NFIB: variants seen among roughly 807,000 people sequenced by gnomAD.
The protein encoded by NFIB is nuclear factor I B.
In NFIB, 11 loss-of-function variants were observed where a neutral mutation model predicts 61.5. The observed-to-expected ratio is 0.18, with a 90% confidence interval of 0.11 to 0.30. NFIB has a LOEUF of 0.30. NFIB is among the 10% of genes least tolerant of loss of function. The pLI is 1.00. For missense variants in NFIB, 471 were observed against 608.9 expected (o/e 0.77, Z 2.38); for synonymous variants, 260 against 216.5 (o/e 1.20, Z -1.76).
the NFIB span, among the ~76,000 whole-genome samples, chr9:14,476,543 G>C: frequency 6.6e-6 from 1 of 152,122 alleles, no homozygotes; most frequent in Admixed American, 6.6e-5. Context: ...ACACTATTCT[G>C]TATAGTCCTT....
At chr9:14,202,224 G>C (rs2049119052) in intron 2 of NFIB, among the ~76,000 whole-genome samples, 1 of 151,696 alleles carries the variant, frequency 6.6e-6, no homozygotes, top group Admixed American at 6.6e-5. Flanking sequence ...ACTAAAACAT[G>C]AGAGACTAAA....
Position 14,291,585 on chromosome 9 carries a change from A to C in NFIB, c.562+15404T>G, listed in dbSNP as rs2059105095. On this transcript the variant is annotated intron_variant, in intron 2 of 10. Transcript: ENST00000380953. ...ATTTACTAAATATTAAACTAATAAA[A>C]AAATTCTCAGAAACATCTCTTAAAT... 1.3e-5 allele frequency among the ~76,000 whole-genome samples: 2 copies of C among 152,204 alleles called. 1 individual carries two copies. The highest frequency in any genetic ancestry group is 4.1e-4 in the South Asian group (2 of 4,834).
chr9:14,353,691 G>A (rs1187380783), intron 1 of NFIB, among the ~76,000 whole-genome samples: 2 of 152,134 alleles, frequency 1.3e-5, no homozygotes, highest in Non-Finnish European at 2.9e-5. Flanking sequence ...GCGAGCTGAC[G>A]TGGAGACCCG....
At chr9:14,349,971 T>C (rs2061085744) in intron 1 of NFIB, among the ~76,000 whole-genome samples, 1 of 152,196 alleles carries the variant, frequency 6.6e-6, no homozygotes. Context: ...CCCACTCATC[T>C]GGGCTTTGGA....
At chr9:14,128,612 C>T (rs1048290649) in intron 6 of NFIB, among the ~76,000 whole-genome samples, 8 of 150,930 alleles carry the variant, frequency 5.3e-5, no homozygotes, top group Non-Finnish European at 8.8e-5. Context: ...GCAGGAGAAT[C>T]GCTTGAACCT....
chr9:14,323,881 T>C (rs2060719751), intron 1 of NFIB, among the ~76,000 whole-genome samples: 1 of 152,218 alleles, frequency 6.6e-6, no homozygotes, highest in African/African-American at 2.4e-5. Context: ...GTGTGAATAA[T>C]ATACATAGCT....
chr9:14,384,156 C>T (rs1344796842), intron 1 of NFIB, among the ~76,000 whole-genome samples: 1 of 152,126 alleles, frequency 6.6e-6, no homozygotes, highest in Non-Finnish European at 1.5e-5. Context: ...AACCAGAAGT[C>T]GCAATCCTGA....
At chr9:14,427,950 T>TG in the NFIB span, among the ~76,000 whole-genome samples, 32 of 105,272 alleles carry the variant, frequency 3.0e-4, 1 homozygote, top group African/African-American at 1.0e-3. Context: ...TTTTTTTTTT[T>TG]TTTTTTTTTT....
chr9:14,191,882 A>G (rs1438912231), intron 2 of NFIB, among the ~76,000 whole-genome samples: 2 of 152,198 alleles, frequency 1.3e-5, no homozygotes, highest in African/African-American at 4.8e-5. Context: ...TTCAAAACTG[A>G]CATTGCCTTC....
At chr9:14,332,980 G>T (rs1356598304) in intron 1 of NFIB, among the ~76,000 whole-genome samples, 1 of 152,170 alleles carries the variant, frequency 6.6e-6, no homozygotes, top group Non-Finnish European at 1.5e-5. Context: ...AGTGTGCAAA[G>T]CCTTTCTACA....
intron 2 of NFIB, among the ~76,000 whole-genome samples, chr9:14,304,773 AACTG>A (rs1343826693): frequency 6.6e-6 from 1 of 152,242 alleles, no homozygotes; most frequent in African/African-American, 2.4e-5. Flanking sequence ...GCAGCCCTCT[AACTG>A]ACCGGAGAAT....
intron 2 of NFIB, among the ~76,000 whole-genome samples, chr9:14,182,708 C>CTCTGTGTGTGTG (rs778914837): frequency 1.2e-4 from 12 of 97,000 alleles, no homozygotes; most frequent in Admixed American, 4.5e-4. Context: ...CTCTCTCTCT[C>CTCTGTGTGTGTG]TGTGTGTGTG....
At chr9:14,191,659 A>C (rs140946861) in intron 2 of NFIB, among the ~76,000 whole-genome samples, 1 of 152,266 alleles carries the variant, frequency 6.6e-6, no homozygotes, top group Non-Finnish European at 1.5e-5. Context: ...GGTTCTGCAT[A>C]ATGTCCCATC....
chr9:14,174,035 T>C (rs527410522), intron 3 of NFIB, among the ~76,000 whole-genome samples: 1 of 152,310 alleles, frequency 6.6e-6, no homozygotes, highest in South Asian at 2.1e-4. Flanking sequence ...GAGTAATTTG[T>C]GAAAGAAACA....
the NFIB span, among the ~76,000 whole-genome samples, chr9:14,510,500 A>G: frequency 3.3e-5 from 5 of 152,374 alleles, no homozygotes; most frequent in African/African-American, 1.2e-4. Flanking sequence ...GTATATTAAT[A>G]TCAAAACCAC....
chr9:14,498,785 C>CCTCCCTT, the NFIB span, among the ~76,000 whole-genome samples: 5 of 71,906 alleles, frequency 7.0e-5, no homozygotes, highest in African/African-American at 4.1e-4. Context: ...CTCCCTCCCT[C>CCTCCCTT]CCTCCCTCCC....
chr9:14,291,802 T>TAA (rs202179375), intron 2 of NFIB, among the ~76,000 whole-genome samples: 9 of 146,586 alleles, frequency 6.1e-5, no homozygotes, highest in South Asian at 2.2e-4. Context: ...GACTTTCAGT[T>TAA]AAAAAAAAAA....
At chr9:14,183,366 A>G (rs1209518387) in intron 2 of NFIB, among the ~76,000 whole-genome samples, 1 of 151,882 alleles carries the variant, frequency 6.6e-6, no homozygotes, top group African/African-American at 2.4e-5. Context: ...AAGAGTTGTG[A>G]GCTGCCCAGC....
chr9:14,515,238 T>C, the NFIB span, among the ~76,000 whole-genome samples: 1 of 151,916 alleles, frequency 6.6e-6, no homozygotes, highest in Non-Finnish European at 1.5e-5. Flanking sequence ...GAAGACCCCG[T>C]GGGCAGGGAA....
Sources: gnomAD v4.1 joint callset for allele counts (sites outside exome capture counted in the v4.1 genomes callset) on GRCh38, gnomAD v4.1.1 for gene constraint, MANE v1.5 for transcripts, NCBI Gene and HGNC (gene_info 2026-07-23, HGNC 2026-07-21) for gene names.